Variants in CAMKMT observed in about 807,000 individuals in gnomAD.
CAMKMT encodes CaM KMT.
CAMKMT carries 53 observed loss-of-function variants against 48.0 expected under a neutral mutation model. That is an observed-to-expected ratio of 1.10 (90% confidence interval 0.89 to 1.39). The LOEUF is 1.39. Ranked by LOEUF, CAMKMT falls within the 40% of genes most tolerant of loss-of-function variation. The pLI is 0.00. For synonymous variants in CAMKMT, 165 were observed against 152.3 expected (o/e 1.08, Z -0.61); for missense variants, 428 against 402.7 (o/e 1.06, Z -0.54).
At position 44,380,567 on chromosome 2, in the gene CAMKMT, C is replaced by T. The variant is rs572560474; in HGVS notation, c.311+7679C>T. Among the ~76,000 whole-genome samples, 29 of 152,084 alleles carry T rather than the reference C, an allele frequency of 1.9e-4. 1 individual carries two copies. Among genetic ancestry groups the T allele is most frequent in the Admixed American group, 1.2e-3 (18 of 15,272 alleles). ...AAGTAGATGACTCAGTGAAAAAGAA[C>T]AGTCCTTAAGTTTGGAACAAATGAA... On this transcript the variant is annotated intron_variant, in intron 2 of 10. Transcript: ENST00000378494.
At chr2:44,544,164 T>C (rs1467620368) in intron 3 of CAMKMT, among the ~76,000 whole-genome samples, 1 of 151,990 alleles carries the variant, frequency 6.6e-6, no homozygotes, top group African/African-American at 2.4e-5. Flanking sequence ...GTTAAATACA[T>C]CCCATGTTTA....
intron 3 of CAMKMT, among the ~76,000 whole-genome samples, chr2:44,564,684 G>C (rs1668515438): frequency 6.6e-6 from 1 of 152,148 alleles, no homozygotes; most frequent in Non-Finnish European, 1.5e-5. Flanking sequence ...GAGATTACAA[G>C]CATGTGCCAC....
chr2:44,712,803 C>T (rs1677952784), intron 6 of CAMKMT, among the ~76,000 whole-genome samples: 3 of 152,080 alleles, frequency 2.0e-5, no homozygotes, highest in Admixed American at 2.0e-4. Flanking sequence ...ATTGGATTTC[C>T]TTTATTACAC....
At chr2:44,498,452 A>T (rs990595719) in intron 3 of CAMKMT, among the ~76,000 whole-genome samples, 2 of 152,216 alleles carry the variant, frequency 1.3e-5, no homozygotes, top group Non-Finnish European at 2.9e-5. Context: ...ACACACATAT[A>T]CATTCTCTAC....
intron 1 of CAMKMT, among the ~76,000 whole-genome samples, chr2:44,367,230 T>A (rs1678693267): frequency 6.6e-6 from 1 of 152,148 alleles, no homozygotes; most frequent in Admixed American, 6.5e-5. Flanking sequence ...ACAGGTCTTT[T>A]TTTCTTGTTC....
At chr2:44,621,496 G>T (rs560645132) in intron 3 of CAMKMT, among the ~76,000 whole-genome samples, 1 of 152,154 alleles carries the variant, frequency 6.6e-6, no homozygotes, top group East Asian at 1.9e-4. Flanking sequence ...AGATCTAAAG[G>T]ATGAGAATAG....
intron 3 of CAMKMT, among the ~76,000 whole-genome samples, chr2:44,673,455 G>A (rs1349516324): frequency 6.3e-4 from 84 of 134,048 alleles, no homozygotes; most frequent in African/African-American, 2.2e-3. Flanking sequence ...GAGAGAGAAA[G>A]AGAAAGAAAG....
intron 3 of CAMKMT, among the ~76,000 whole-genome samples, chr2:44,536,981 C>T (rs1666811075): frequency 1.3e-5 from 2 of 151,926 alleles, no homozygotes; most frequent in Non-Finnish European, 2.9e-5. Context: ...AAACTGGACC[C>T]ATATCTCTCT....
chr2:44,475,559 G>T (rs1007036398), intron 3 of CAMKMT, among the ~76,000 whole-genome samples: 1 of 151,892 alleles, frequency 6.6e-6, no homozygotes, highest in African/African-American at 2.4e-5. Context: ...CTTGTGATCC[G>T]CCCGTCTTGG....
intron 3 of CAMKMT, among the ~76,000 whole-genome samples, chr2:44,607,304 C>A (rs1671340625): frequency 6.6e-6 from 1 of 152,154 alleles, no homozygotes. Flanking sequence ...AAATGTTTAT[C>A]ACAGTGGAAA....
chr2:44,387,992 C>T (rs74262107), intron 2 of CAMKMT, among the ~76,000 whole-genome samples: 8,229 of 152,216 alleles, frequency 0.054, 290 homozygotes, highest in South Asian at 0.13. Context: ...TTTTGATAAT[C>T]GATGGCAGTG....
intron 3 of CAMKMT, among the ~76,000 whole-genome samples, chr2:44,420,883 A>C (rs908370163): frequency 6.6e-6 from 1 of 150,766 alleles, no homozygotes; most frequent in Non-Finnish European, 1.5e-5. Flanking sequence ...ATTAACTGTC[A>C]CCTCATTATC....
chr2:44,425,251 A>G (rs1324694312), intron 3 of CAMKMT, among the ~76,000 whole-genome samples: 1 of 152,246 alleles, frequency 6.6e-6, no homozygotes, highest in African/African-American at 2.4e-5. Flanking sequence ...TCTTATCATT[A>G]TCTTACCAAA....
At chr2:44,576,327 T>TAAAAAAAAAAA (rs569571059) in intron 3 of CAMKMT, among the ~76,000 whole-genome samples, 5 of 76,608 alleles carry the variant, frequency 6.5e-5, no homozygotes, top group African/African-American at 9.0e-5. Context: ...AAACTCTGTC[T>TAAAAAAAAAAA]AAAAAAAAAA....
chr2:44,380,481 C>T (rs1310032017), intron 2 of CAMKMT, among the ~76,000 whole-genome samples: 1 of 151,884 alleles, frequency 6.6e-6, no homozygotes, highest in Admixed American at 6.6e-5. Context: ...TCAGACAGGA[C>T]CTAGGTAAAT....
At chr2:44,611,369 G>A (rs1245434540) in intron 3 of CAMKMT, among the ~76,000 whole-genome samples, 6 of 151,952 alleles carry the variant, frequency 3.9e-5, no homozygotes, top group Non-Finnish European at 7.4e-5. Context: ...GGAGGCAGAG[G>A]TGGCAGTGAG....
chr2:44,386,332 CT>C (rs1680774110), intron 2 of CAMKMT, among the ~76,000 whole-genome samples: 1 of 152,074 alleles, frequency 6.6e-6, no homozygotes, highest in South Asian at 2.1e-4. Flanking sequence ...CTTGAATGAT[CT>C]TTTGTGTTTC....
chr2:44,494,294 A>G (rs1302260460), intron 3 of CAMKMT, among the ~76,000 whole-genome samples: 2 of 152,182 alleles, frequency 1.3e-5, no homozygotes, highest in African/African-American at 4.8e-5. Context: ...ACTCTTGTTG[A>G]CTTGCATTTA....
intron 3 of CAMKMT, among the ~76,000 whole-genome samples, chr2:44,409,550 CAAAGCATATCTT>C (rs947995187): frequency 6.6e-6 from 1 of 152,050 alleles, no homozygotes; most frequent in African/African-American, 2.4e-5. Context: ...TCTTTGGCCT[CAAAGCATATCTT>C]AAAGCCATTT....
Sources: gnomAD v4.1 joint callset for allele counts (sites outside exome capture counted in the v4.1 genomes callset) on GRCh38, gnomAD v4.1.1 for gene constraint, MANE v1.5 for transcripts, NCBI Gene and HGNC (gene_info 2026-07-23, HGNC 2026-07-21) for gene names.